Variants in SMG6 observed in about 807,000 individuals in gnomAD.
SMG6 encodes the protein SMG6 nonsense mediated mRNA decay factor, also known as telomerase-binding protein EST1A.
In SMG6, 66 loss-of-function variants were observed where a neutral mutation model predicts 142.2. That is an observed-to-expected ratio of 0.46 (90% CI 0.38 to 0.57). The LOEUF is 0.57. Ranked by LOEUF, SMG6 falls within the 20% of genes least tolerant of loss-of-function variation. SMG6 has a pLI of 0.00. For missense variants in SMG6, 1,793 were observed against 1,832.0 expected, an observed-to-expected ratio of 0.98 and a Z score of 0.39; for synonymous variants, 779 against 702.4, an observed-to-expected ratio of 1.11 and a Z score of -1.72.
At chr17:2,240,780 T>C (rs776335607) in intron 9 of SMG6, among the ~76,000 whole-genome samples, 23 of 152,244 alleles carry the variant, frequency 1.5e-4, no homozygotes, top group Non-Finnish European at 2.8e-4. Flanking sequence ...GAGCAGACCA[T>C]GCCTGGAAGC....
At chr17:2,295,634 G>A (rs569883342) in intron 4 of SMG6, among the ~76,000 whole-genome samples, 1 of 151,730 alleles carries the variant, frequency 6.6e-6, no homozygotes, top group East Asian at 1.9e-4. Context: ...ACCTTGAAAT[G>A]TAACCCCCGT....
At chr17:2,092,714 G>C (rs2068757544) in intron 13 of SMG6, among the ~76,000 whole-genome samples, 1 of 152,240 alleles carries the variant, frequency 6.6e-6, no homozygotes, top group Admixed American at 6.5e-5. Context: ...GGTAAATAAA[G>C]TATAAAAAAC....
At chr17:2,188,703 T>A (rs2072068368) in intron 10 of SMG6, among the ~76,000 whole-genome samples, 188 bp from the exon 11 acceptor site, 1 of 152,188 alleles carries the variant, frequency 6.6e-6, no homozygotes. Context: ...TATGGATATG[T>A]GTTTGATAAG....
intron 10 of SMG6, among the ~76,000 whole-genome samples, chr17:2,193,611 T>C (rs915346657): frequency 4.6e-5 from 7 of 152,158 alleles, no homozygotes; most frequent in African/African-American, 7.2e-5. Context: ...CCGAAAACAC[T>C]TGAGTGCCCA....
Position 2,071,262 on chromosome 17 carries a change from A to C in SMG6, c.3682-2331T>G, listed in dbSNP as rs1306563443. On this transcript the variant is annotated intron_variant, in intron 15 of 18. Transcript: ENST00000263073. The surrounding 1 kb of genome is among the most constrained non-coding windows in gnomAD (Gnocchi z 5.6). ...TGACTCTATCAAGGAAGTGGCTGCC[A>C]TTTTTTTTTTTACCCTATGTGAACA... is the stretch of plus-strand genomic sequence containing the variant. Among the ~76,000 whole-genome samples, 15 of 145,648 alleles carry C rather than the reference A, an allele frequency of 1.0e-4. No individual in the cohort carries two copies. The highest frequency in any genetic ancestry group is 1.5e-4 in the Non-Finnish European group (10 of 66,092).
At chr17:2,255,910 G>A (rs1185338264) in intron 8 of SMG6, 1 of 230,798 alleles carries the variant, frequency 4.3e-6, no homozygotes, top group Non-Finnish European at 8.4e-6. Flanking sequence ...TCTGAAACAT[G>A]TGCTGTGTCC....
chr17:2,143,282 G>A (rs1394160520), intron 13 of SMG6, among the ~76,000 whole-genome samples: 1 of 152,056 alleles, frequency 6.6e-6, no homozygotes, highest in African/African-American at 2.4e-5. Flanking sequence ...ATACACAAAT[G>A]TTCATATCAA....
At chr17:2,199,683 T>C (rs1368117915) in intron 10 of SMG6, 1 of 151,916 alleles carries the variant, frequency 6.6e-6, no homozygotes, top group Non-Finnish European at 1.5e-5. Flanking sequence ...AGGCGGATGA[T>C]CACTTGAGGC....
intron 13 of SMG6, among the ~76,000 whole-genome samples, chr17:2,132,591 C>A (rs2070159013): frequency 6.6e-6 from 1 of 152,142 alleles, no homozygotes; most frequent in Admixed American, 6.6e-5. Context: ...GATATAGAAA[C>A]TTTGAGCCTC....
chr17:2,296,410 A>T (rs1199930187), intron 4 of SMG6, among the ~76,000 whole-genome samples: 1 of 152,186 alleles, frequency 6.6e-6, no homozygotes, highest in African/African-American at 2.4e-5. Flanking sequence ...AGGCTACGTT[A>T]GATTCACTTC....
In SMG6 at chr17:2,065,121, G is replaced by A. The variant is rs371529812; in HGVS notation, c.4081C>T (p.Leu1361Phe). ...TTAGCCTTGTCTTTGCAGTAGTGGA[G>A]GCAGCAGGACAGGATGAGATCATCG... ...NNDDLILSCC[L>F]HYCKDKAKDF... The change falls in exon 18 of 19, where the codon CTC (leucine) becomes TTC (phenylalanine). Residue 1361 changes from leucine (L) to phenylalanine (F), a missense_variant. Leu to Phe is a conservative substitution (Grantham distance 22). Around this residue, in one of 3 missense-constraint regions of SMG6, gnomAD observed 179 missense variants for 212.6 expected, o/e 0.84. Coordinates refer to ENST00000263073, the MANE Select transcript of SMG6 (RefSeq NM_017575.5). The A allele has an allele frequency of 5.3e-5, 86 of 1,613,900 alleles. No individual in the cohort carries two copies. In the African/African-American group the frequency reaches 9.7e-4, roughly 18 times the overall value.
At chr17:2,080,027 A>T (rs2068369538) in intron 15 of SMG6, among the ~76,000 whole-genome samples, 1 of 151,886 alleles carries the variant, frequency 6.6e-6, no homozygotes, top group Non-Finnish European at 1.5e-5. Context: ...GTGAGCTGAG[A>T]TTGCGCCACT....
At chr17:2,088,245 T>C (rs2068619584) in intron 13 of SMG6, 1 of 985,270 alleles carries the variant, frequency 1.0e-6, no homozygotes, top group Non-Finnish European at 1.2e-6. Context: ...TAAGAAAGCA[T>C]GGTTTCTGGC....
At position 2,068,972 on chromosome 17, in the gene SMG6, G is replaced by T. The variant is rs1350472780; in HGVS notation, c.3682-41C>A. 6.2e-7 allele frequency: 1 copy of T among 1,604,650 alleles called. No homozygotes were observed. The highest frequency in any genetic ancestry group is 2.2e-5 in the East Asian group (1 of 44,718). ...GGTGAATGAGCCAGACAGCGAGCAG[G>T]CAAGCAGGTGGGTGAGCCAGGGCCC... is the stretch of plus-strand genomic sequence containing the variant. On this transcript the variant is annotated intron_variant, in intron 15 of 18. Transcript: ENST00000263073. The surrounding 1 kb of genome is among the most constrained non-coding windows in gnomAD (Gnocchi z 6.7).
chr17:2,251,458 T>C (rs2074044065), intron 8 of SMG6, among the ~76,000 whole-genome samples: 1 of 152,128 alleles, frequency 6.6e-6, no homozygotes, highest in Admixed American at 6.6e-5. Context: ...CAGGGCTGGA[T>C]GACAGCTCAA....
chr17:2,085,967 G>C lies in SMG6; in HGVS notation c.3358-66C>G. Reference sequence around the variant, plus strand: ...AAAGGGAAGATGGAGACGAGATGTTGCTTGCCGGCTGAGGGGCACAGGGGA... The same window carrying C: ...AAAGGGAAGATGGAGACGAGATGTTCCTTGCCGGCTGAGGGGCACAGGGGA... On this transcript the variant is annotated intron_variant, in intron 13 of 18. Coordinates refer to ENST00000263073, the MANE Select transcript of SMG6 (RefSeq NM_017575.5). The surrounding 1 kb of genome is among the most constrained non-coding windows in gnomAD (Gnocchi z 4.1). 1.3e-6 allele frequency: 2 copies of C among 1,524,044 alleles called. No homozygotes were observed. The highest frequency in any genetic ancestry group is 1.8e-6 in the Non-Finnish European group (2 of 1,101,226). 94.4% of individuals were successfully genotyped at this position (1,524,044 alleles called of 1,614,324 possible).
At chr17:2,272,911 C>A (rs1272672552) in intron 8 of SMG6, among the ~76,000 whole-genome samples, 2 of 150,502 alleles carry the variant, frequency 1.3e-5, no homozygotes, top group African/African-American at 4.9e-5. Context: ...GCATGGGGGA[C>A]AGAGAGAAAC....
chr17:2,079,274 C>A (rs2151422922), intron 15 of SMG6, among the ~76,000 whole-genome samples: 1 of 152,296 alleles, frequency 6.6e-6, no homozygotes, highest in Non-Finnish European at 1.5e-5. Flanking sequence ...ATATTGGTGA[C>A]TTTTGACGCA....
chr17:2,169,191 C>G (rs1259126930), intron 13 of SMG6, among the ~76,000 whole-genome samples: 2 of 151,776 alleles, frequency 1.3e-5, no homozygotes, highest in African/African-American at 4.8e-5. Context: ...ATCGCTTGAA[C>G]CCGGGAGAAA....
Sources: gnomAD v4.1 joint callset for allele counts (sites outside exome capture counted in the v4.1 genomes callset) on GRCh38, gnomAD v4.1.1 for gene constraint, gnomAD v4.1.1 regional missense constraint, Gnocchi (gnomAD v3.1) non-coding constraint, MANE v1.5 for transcripts, NCBI Gene and HGNC (gene_info 2026-07-23, HGNC 2026-07-21) for gene names.